The following TRAP1 variants were observed in gnomAD, a reference collection of about 807,000 sequenced individuals.
TRAP1 encodes heat shock protein 75 kDa, mitochondrial.
Under a neutral mutation model 89.1 loss-of-function variants are expected in TRAP1, and 102 were observed. That is an observed-to-expected ratio of 1.15 (90% CI 0.98 to 1.35). TRAP1 has a LOEUF of 1.35. TRAP1 is among the 40% of genes most tolerant of loss of function. The pLI is 0.00. For synonymous variants in TRAP1, 508 were observed against 388.0 expected, an observed-to-expected ratio of 1.31 and a Z score of -3.64; for missense variants, 1,256 against 945.3, an observed-to-expected ratio of 1.33 and a Z score of -4.31.
intron 6 of TRAP1, 69 bp from the exon 7 acceptor site, chr16:3,676,214 G>T: frequency 7.1e-7 from 1 of 1,404,254 alleles, no homozygotes; most frequent in Non-Finnish European, 9.9e-7. Flanking sequence ...TGGGACTCCA[G>T]CGGTTCCCGA....
intron 7 of TRAP1, 30 bp downstream of exon 7, chr16:3,676,006 G>A (rs1383633184): frequency 1.3e-6 from 2 of 1,584,436 alleles, no homozygotes; most frequent in Admixed American, 3.4e-5. Flanking sequence ...ATGGATCCCA[G>A]AGTGAGCCTG....
intron 16 of TRAP1, chr16:3,661,704 T>C (rs562430169): frequency 1.4e-5 from 5 of 364,616 alleles, no homozygotes; most frequent in Admixed American, 4.6e-5. Flanking sequence ...AAACTGAGCA[T>C]GTCCAGGACA....
At chr16:3,716,714 T>A (rs2051602165) in intron 1 of TRAP1, among the ~76,000 whole-genome samples, 1 of 152,224 alleles carries the variant, frequency 6.6e-6, no homozygotes. Context: ...AAACTTTCAC[T>A]GTTGTTACCT....
At chr16:3,684,337 C>A (rs538241161) in intron 4 of TRAP1, among the ~76,000 whole-genome samples, 1 of 152,262 alleles carries the variant, frequency 6.6e-6, no homozygotes, top group African/African-American at 2.4e-5. Context: ...ATTAAGGCTG[C>A]ATATTTTATT....
chr16:3,690,834 GCT>G lies in TRAP1; in HGVS notation c.238_239del (p.Ser80ArgfsTer9). 1.3e-6 allele frequency: 2 copies of G among 1,486,402 alleles called. No individual in the cohort carries two copies. The highest frequency in any genetic ancestry group is 2.7e-5 in the South Asian group (2 of 72,998). 92.1% of individuals were successfully genotyped at this position (1,486,402 alleles called of 1,614,324 possible). A position where few individuals can be genotyped will look rare whatever the true frequency, so the allele number is the denominator to read the frequency against. On this transcript the variant is annotated frameshift_variant, in exon 2 of 18. Coordinates refer to ENST00000246957, the MANE Select transcript of TRAP1 (RefSeq NM_016292.3). LOFTEE classifies it high-confidence loss of function. ...PLHSIISSTESVQGSTSKHEF... is the reference protein window; with the variant it reads ...PLHSIISSTEXVQGSTSKHEF... ...AGCACGAGCCAAGGCTACCCTGCAC[GCT>G]CTCTGTGCTGCTGATAATCGAGTGC...
rs1175548473 is a variant in TRAP1 at position 3,663,505 on chromosome 16, C to T, written c.1627G>A (p.Asp543Asn). ...ELTLLHLREFDKKKLISVETD... is the reference protein window; with the variant it reads ...ELTLLHLREFNKKKLISVETD... ...TCCACAGAGATCAGCTTCTTCTTGT[C>T]AAACTCACGAAGGTGCAGCAGGGTG... is the stretch of plus-strand genomic sequence containing the variant. The change falls in exon 14 of 18, where the codon GAC becomes AAC. Residue 543 changes from aspartate to asparagine, a missense_variant. Physicochemically the swap from Asp to Asn is conservative, Grantham distance 23. Coordinates refer to ENST00000246957, the MANE Select transcript of TRAP1 (RefSeq NM_016292.3). The T allele has an allele frequency of 1.2e-6, 2 of 1,614,148 alleles. No individual in the cohort carries two copies. The highest frequency in any genetic ancestry group is 2.2e-5 in the East Asian group (1 of 44,874).
At chr16:3,673,187 A>G (rs538997209) in intron 9 of TRAP1, among the ~76,000 whole-genome samples, 1 of 152,332 alleles carries the variant, frequency 6.6e-6, no homozygotes, top group Admixed American at 6.5e-5. Context: ...GTAGCCTAAG[A>G]GTGGTTTTTA....
At chr16:3,674,631 C>T in intron 8 of TRAP1, 137 bp from the exon 9 acceptor site, 1 of 1,068,860 alleles carries the variant, frequency 9.4e-7, no homozygotes, top group East Asian at 2.6e-5. Context: ...CAGGCGTAGA[C>T]CCCTCTCCAG....
chr16:3,673,963 C>T (rs1222807806), intron 9 of TRAP1, among the ~76,000 whole-genome samples: 2 of 152,198 alleles, frequency 1.3e-5, no homozygotes, highest in Non-Finnish European at 2.9e-5. Flanking sequence ...CCTCCCCAGG[C>T]ACACCCCAGT....
rs540374456 is a variant in TRAP1, at chr16:3,670,816, C to T, written c.1235+906G>A. On this transcript the variant is annotated intron_variant, in intron 11 of 17. Transcript: ENST00000246957. ...ATATCACCGGCAGGCCATGTGACCT[C>T]GCAGGGCTGGGCATGGACCCACCAG... is the stretch of plus-strand genomic sequence containing the variant. Among the ~76,000 whole-genome samples, 20 of 152,264 alleles carry T rather than the reference C, an allele frequency of 1.3e-4. No individual in the cohort carries two copies. In the East Asian group the frequency reaches 3.3e-3, roughly 25 times the overall value.
chr16:3,711,765 C>A (rs563613797), intron 1 of TRAP1, among the ~76,000 whole-genome samples: 8 of 152,290 alleles, frequency 5.3e-5, no homozygotes, highest in African/African-American at 1.9e-4. Context: ...TCCCTGAAAT[C>A]TATTTTGTTA....
chr16:3,711,139 G>C lies in TRAP1; in HGVS notation c.88+6282C>G, dbSNP rs185990649. 6.3e-3 allele frequency among the ~76,000 whole-genome samples: 957 copies of C among 151,978 alleles called. 13 individuals are homozygous for C. Among genetic ancestry groups the C allele is most frequent in the African/African-American group, 0.022 (907 of 41,466 alleles). On this transcript the variant is annotated intron_variant, in intron 1 of 17. Coordinates refer to ENST00000246957, the MANE Select transcript of TRAP1 (RefSeq NM_016292.3). ...GGATCCTCCCGCCGCAGCCCCCAAA[G>C]TGCTGGGATTACAAGCATGAGCTAC...
intron 17 of TRAP1, 73 bp downstream of exon 17, chr16:3,658,698 CAGGATTTTAGAGGAAACCGCTG>C: frequency 8.7e-7 from 1 of 1,143,904 alleles, no homozygotes; most frequent in East Asian, 2.7e-5. Flanking sequence ...AACAAAAAGA[CAGGATTTTAGAGGAAACCGCTG>C]TTCCACCCTG....
At chr16:3,698,161 G>C (rs957712917) in intron 1 of TRAP1, among the ~76,000 whole-genome samples, 1 of 151,780 alleles carries the variant, frequency 6.6e-6, no homozygotes, top group East Asian at 1.9e-4. Context: ...GGAGTATATA[G>C]AAGTCCTCAC....
chr16:3,660,663 G>A (rs1354711310), intron 16 of TRAP1: 1 of 152,228 alleles, frequency 6.6e-6, no homozygotes, highest in South Asian at 2.1e-4. Flanking sequence ...TTCCCCAGGA[G>A]TGCCATGGCT....
At chr16:3,705,439 C>T (rs2051428949) in intron 1 of TRAP1, among the ~76,000 whole-genome samples, 1 of 152,108 alleles carries the variant, frequency 6.6e-6, no homozygotes, top group South Asian at 2.1e-4. Flanking sequence ...TTTCCCTCTC[C>T]CACCAGCTCT....
At chr16:3,675,200 T>A in intron 8 of TRAP1, 124 bp downstream of exon 8, 1 of 870,632 alleles carries the variant, frequency 1.1e-6, no homozygotes, top group Non-Finnish European at 1.8e-6. Context: ...AGGTCTCATC[T>A]CCACAGAGCA....
intron 10 of TRAP1, 69 bp downstream of exon 10, chr16:3,672,631 G>T: frequency 6.6e-7 from 1 of 1,523,262 alleles, no homozygotes; most frequent in Middle Eastern, 1.8e-4. Flanking sequence ...GAATCAGCAC[G>T]GTCCCTCACA....
chr16:3,684,263 A>G (rs1049364507), intron 4 of TRAP1, among the ~76,000 whole-genome samples: 32 of 152,230 alleles, frequency 2.1e-4, no homozygotes, highest in African/African-American at 7.7e-4. Flanking sequence ...TGCCACCGGA[A>G]TGATACTGTT....
Sources: gnomAD v4.1 joint callset for allele counts (sites outside exome capture counted in the v4.1 genomes callset) on GRCh38, gnomAD v4.1.1 for gene constraint, MANE v1.5 for transcripts, NCBI Gene and HGNC (gene_info 2026-07-23, HGNC 2026-07-21) for gene names.